SV2B: variants seen among roughly 807,000 people sequenced by gnomAD.
SV2B encodes the protein solute carrier family 22 member B2.
A neutral mutation model predicts 73.9 loss-of-function variants in SV2B; 41 were observed. The ratio of observed to expected loss-of-function variants is 0.56; its 90% CI spans 0.43 to 0.72. SV2B has a LOEUF of 0.72. SV2B is among the 30% of genes least tolerant of loss of function. SV2B has a pLI of 0.00. For missense variants in SV2B, 764 were observed against 857.8 expected (o/e 0.89, Z 1.37); for synonymous variants, 314 against 314.2 (o/e 1.00, Z 0.01).
At chr15:91,216,149 C>T (rs1186134135) in intron 1 of SV2B, among the ~76,000 whole-genome samples, 1 of 152,122 alleles carries the variant, frequency 6.6e-6, no homozygotes, top group Non-Finnish European at 1.5e-5. Flanking sequence ...TGTTGGAAGC[C>T]TCAAAGAACA....
At chr15:91,200,302 G>T (rs1045472852) in intron 1 of SV2B, among the ~76,000 whole-genome samples, 1 of 152,204 alleles carries the variant, frequency 6.6e-6, no homozygotes, top group African/African-American at 2.4e-5. Flanking sequence ...AAATTGCTAG[G>T]AACAGTAAGG....
intron 4 of SV2B, among the ~76,000 whole-genome samples, chr15:91,254,876 G>T (rs1205293827): frequency 6.6e-6 from 1 of 152,188 alleles, no homozygotes; most frequent in Admixed American, 6.5e-5. Context: ...CTTGTTTCAT[G>T]GGGAAAGCCC....
rs975621502 is a variant in SV2B, at chr15:91,245,016, G to T, written c.452-6803G>T. Among the ~76,000 whole-genome samples the T allele has an allele frequency of 4.6e-5, 7 of 152,172 alleles. No individual in the cohort carries two copies. The highest frequency in any genetic ancestry group is 4.6e-4 in the Admixed American group (7 of 15,274). ...GTTAGAAGTGGTTTATTTGTCTTTG[G>T]TTAATTGCTAAATAAAGAAGCTCAC... is the stretch of plus-strand genomic sequence containing the variant. On this transcript the variant is annotated intron_variant, in intron 2 of 12. Coordinates refer to ENST00000394232, the MANE Select transcript of SV2B (RefSeq NM_001323032.3). This position sits in a 1 kb window ranked among gnomAD's most constrained non-coding sequence, Gnocchi z 4.2.
At chr15:91,184,964 A>G (rs1016249818) in intron 1 of SV2B, among the ~76,000 whole-genome samples, 7 of 152,242 alleles carry the variant, frequency 4.6e-5, no homozygotes, top group African/African-American at 1.7e-4. Context: ...ATTATTCATA[A>G]AAGTTTCTTT....
chr15:91,124,900 C>T lies in SV2B; in HGVS notation c.-392+24537C>T, dbSNP rs941219846. Among the ~76,000 whole-genome samples, 27 of 152,118 alleles carry T rather than the reference C, an allele frequency of 1.8e-4. No homozygotes were observed. Among genetic ancestry groups the T allele is most frequent in the African/African-American group, 3.6e-4 (15 of 41,416 alleles). ...AACTCCTGACTTCAAGTGATCCACC[C>T]GCCTCGGCCTCCCAAAGTGCTGATA... is the stretch of plus-strand genomic sequence containing the variant. On this transcript the variant is annotated intron_variant, in intron 1 of 12. Coordinates refer to ENST00000394232, the MANE Select transcript of SV2B (RefSeq NM_001323032.3). The surrounding 1 kb of genome is among the most constrained non-coding windows in gnomAD (Gnocchi z 4.6).
Position 91,253,899 on chromosome 15 carries a change from GTA to G in SV2B, c.784+1380_784+1381del, listed in dbSNP as rs1442085148. Among the ~76,000 whole-genome samples the G allele has an allele frequency of 1.3e-5, 2 of 152,120 alleles. No homozygotes were observed. Among genetic ancestry groups the G allele is most frequent in the Non-Finnish European group, 2.9e-5 (2 of 68,024 alleles). On this transcript the variant is annotated intron_variant, in intron 4 of 12. Coordinates refer to ENST00000394232, the MANE Select transcript of SV2B (RefSeq NM_001323032.3). The surrounding 1 kb of genome is among the most constrained non-coding windows in gnomAD (Gnocchi z 5.0). ...CACCATGTTGTCTTTGCCATATCTA[GTA>G]CTTGAAAATCCACTGGATTTTATAT... is the stretch of plus-strand genomic sequence containing the variant.
rs1265182869 is a variant in SV2B, at chr15:91,245,581, T to C, written c.452-6238T>C. On this transcript the variant is annotated intron_variant, in intron 2 of 12. Coordinates refer to ENST00000394232, the MANE Select transcript of SV2B (RefSeq NM_001323032.3). The surrounding 1 kb of genome is among the most constrained non-coding windows in gnomAD (Gnocchi z 4.2). ...AATTACTTTTAGATTGTTTTATTTA[T>C]TGAACAAATATTAATGGAGTACCTA... Among the ~76,000 whole-genome samples the C allele has an allele frequency of 1.3e-5, 2 of 152,236 alleles. No individual in the cohort carries two copies. The highest frequency in any genetic ancestry group is 4.8e-5 in the African/African-American group (2 of 41,460).
In SV2B at chr15:91,181,032, T is replaced by A. The variant is rs546912017; in HGVS notation, c.-391-44841T>A. 8.1e-4 allele frequency among the ~76,000 whole-genome samples: 124 copies of A among 152,296 alleles called. 1 individual carries two copies. The highest frequency in any genetic ancestry group is 2.8e-3 in the African/African-American group (118 of 41,562). The stretch of plus-strand genomic sequence containing the variant: ...TCCCCATCTTTGTGGTTTTATCTAC[T>A]TTTGGTCTTTGATGATGGTGATGTA... On this transcript the variant is annotated intron_variant, in intron 1 of 12. Transcript: ENST00000394232.
At position 91,100,287 on chromosome 15, in the gene SV2B, A is replaced by T. The variant is rs1050271552; in HGVS notation, c.-468A>T. Reference sequence around the variant, plus strand: ...GATCGCCCAGCTCCGCGTTAGCCGGAGCTGCACGCGGGGCTGCCGGGGCGG... The same window carrying T: ...GATCGCCCAGCTCCGCGTTAGCCGGTGCTGCACGCGGGGCTGCCGGGGCGG... On this transcript the variant is annotated 5_prime_UTR_variant, in exon 1 of 13. Transcript: ENST00000394232. The surrounding 1 kb of genome is among the most constrained non-coding windows in gnomAD (Gnocchi z 6.4). 2.6e-5 allele frequency: 4 copies of T among 152,184 alleles called. No homozygotes were observed. Among genetic ancestry groups the T allele is most frequent in the Admixed American group, 6.5e-5 (1 of 15,284 alleles). The allele number at this position is 152,184 out of a possible 1,614,324, so 9.4% of individuals were successfully genotyped here.
At chr15:91,191,680 T>C (rs1347966699) in intron 1 of SV2B, among the ~76,000 whole-genome samples, 2 of 152,240 alleles carry the variant, frequency 1.3e-5, no homozygotes, top group Non-Finnish European at 2.9e-5. Context: ...AACAAATGTC[T>C]GGTGCAAAAT....
At position 91,209,853 on chromosome 15, in the gene SV2B, C is replaced by T. The variant is rs575809923; in HGVS notation, c.-391-16020C>T. Among the ~76,000 whole-genome samples the T allele has an allele frequency of 2.2e-4, 33 of 152,316 alleles. 1 individual carries two copies. In the East Asian group the frequency reaches 4.0e-3, roughly 19 times the overall value. On this transcript the variant is annotated intron_variant, in intron 1 of 12. Coordinates refer to ENST00000394232, the MANE Select transcript of SV2B (RefSeq NM_001323032.3). ...TTCTTCCTTTCCCCTTATCTTTCTT[C>T]GTTACTCCAGGATTTGGAGCAGAGC...
intron 1 of SV2B, among the ~76,000 whole-genome samples, chr15:91,164,277 A>G (rs1296818468): frequency 1.3e-5 from 2 of 152,206 alleles, no homozygotes; most frequent in African/African-American, 2.4e-5. Flanking sequence ...ACCAAAAAAG[A>G]GCCCGCATTG....
intron 9 of SV2B, among the ~76,000 whole-genome samples, chr15:91,278,382 C>A (rs1009437117): frequency 1.3e-5 from 2 of 151,990 alleles, no homozygotes; most frequent in African/African-American, 4.8e-5. Context: ...GGCCTGACCC[C>A]TACACCTGGA....
chr15:91,193,290 G>A lies in SV2B; in HGVS notation c.-391-32583G>A, dbSNP rs1190775895. Among the ~76,000 whole-genome samples the A allele has an allele frequency of 5.3e-5, 8 of 152,180 alleles. No homozygotes were observed. The East Asian group carries it at 5.8e-4, about 11-fold the overall frequency. The stretch of plus-strand genomic sequence containing the variant: ...CTGTTGCTCCAGCACATAGTAGTAC[G>A]TCAACAGTTGTTGAAAAATGTACCT... On this transcript the variant is annotated intron_variant, in intron 1 of 12. Coordinates refer to ENST00000394232, the MANE Select transcript of SV2B (RefSeq NM_001323032.3).
At position 91,268,580 on chromosome 15, in the gene SV2B, C is replaced by T. The variant is rs910093345; in HGVS notation, c.1348C>T (p.Gln450Ter). The change falls in exon 9 of 13, where the codon CAA becomes TAA. Residue 450 changes from glutamine to a stop codon, truncating the protein, a stop_gained. Transcript: ENST00000394232. LOFTEE classifies it high-confidence loss of function. This position sits in a 1 kb window ranked among gnomAD's most constrained non-coding sequence, Gnocchi z 4.4. ...CTTCACGATGGAAAATCAGATCCAC[C>T]AACATGGGAAACTTGTGAATGATAA... is the stretch of plus-strand genomic sequence containing the variant. ...INFTMENQIHQHGKLVNDKFT... is the reference protein window; with the variant it reads ...INFTMENQIH 6.2e-6 allele frequency: 10 copies of T among 1,613,372 alleles called. No individual in the cohort carries two copies. Among genetic ancestry groups the T allele is most frequent in the Non-Finnish European group, 2.5e-6 (3 of 1,179,476 alleles).
chr15:91,264,392 A>G (rs1408515841), intron 6 of SV2B, among the ~76,000 whole-genome samples: 2 of 152,244 alleles, frequency 1.3e-5, no homozygotes, highest in Non-Finnish European at 2.9e-5. Flanking sequence ...GGCTTTCCCT[A>G]AGGAGCACGA....
At chr15:91,168,301 C>CGAGAGAGAGGGAGAGAGA (rs2043987972) in intron 1 of SV2B, among the ~76,000 whole-genome samples, 1 of 137,200 alleles carries the variant, frequency 7.3e-6, no homozygotes, top group South Asian at 2.5e-4. Context: ...TGGTGAGATA[C>CGAGAGAGAGGGAGAGAGA]GAGAGAGAGA....
At chr15:91,188,302 T>TATTA (rs2044857553) in intron 1 of SV2B, among the ~76,000 whole-genome samples, 1 of 61,362 alleles carries the variant, frequency 1.6e-5, no homozygotes, top group Non-Finnish European at 3.3e-5. Context: ...TTTATTTATT[T>TATTA]ATTTATTTAT....
rs1207499733 is a variant in SV2B, at chr15:91,121,995, C to T, written c.-392+21632C>T. On this transcript the variant is annotated intron_variant, in intron 1 of 12. Transcript: ENST00000394232. The surrounding 1 kb of genome is among the most constrained non-coding windows in gnomAD (Gnocchi z 4.4). ...TTCACCATGTTAGCCAGGATGGTCT[C>T]GATCTCCTGACTTCATGATTCGCCT... 2.0e-5 allele frequency among the ~76,000 whole-genome samples: 3 copies of T among 152,060 alleles called. No individual in the cohort carries two copies. The highest frequency in any genetic ancestry group is 7.2e-5 in the African/African-American group (3 of 41,400).
Sources: gnomAD v4.1 joint callset for allele counts (sites outside exome capture counted in the v4.1 genomes callset) on GRCh38, gnomAD v4.1.1 for gene constraint, Gnocchi (gnomAD v3.1) non-coding constraint, MANE v1.5 for transcripts, NCBI Gene and HGNC (gene_info 2026-07-23, HGNC 2026-07-21) for gene names.